TOMM20L: variants seen among roughly 807,000 people sequenced by gnomAD.
TOMM20L encodes TOMM20-like protein 1.
TOMM20L carries 19 observed loss-of-function variants against 20.4 expected under a neutral mutation model. That is an observed-to-expected ratio of 0.93 (90% CI 0.65 to 1.36). The LOEUF (loss-of-function observed/expected upper bound fraction) is 1.36, where lower values mean the gene tolerates loss of function less well. TOMM20L is among the 40% of genes most tolerant of loss of function. The probability of loss-of-function intolerance (pLI) is 0.00; values close to 1 mark genes in which losing one functional copy is unlikely to be tolerated. For synonymous variants in TOMM20L, 75 were observed against 79.6 expected (o/e 0.94, Z 0.30); for missense variants, 218 against 203.7 (o/e 1.07, Z -0.43).
rs3783693 is a variant in TOMM20L, at chr14:58,408,413, G to A, written c.406-116G>A. 5,174 of 875,458 alleles carry A rather than the reference G, an allele frequency of 5.9e-3. 229 individuals carry two copies. The East Asian group carries it at 0.1, about 18-fold the overall frequency. 54.2% of individuals were successfully genotyped at this position (875,458 alleles called of 1,614,324 possible). ...TCCTGGGTGACGAAAGCAAAACTCC[G>A]TCTCAAAAAAAAAAAAAAAGAAAAG... On this transcript the variant is annotated intron_variant, in intron 4 of 4. Coordinates refer to ENST00000360945, the MANE Select transcript of TOMM20L (RefSeq NM_207377.3).
intron 1 of TOMM20L, 25 bp from the exon 2 acceptor site, chr14:58,396,273 A>G (rs1271232473): frequency 1.9e-6 from 3 of 1,612,382 alleles, no homozygotes; most frequent in Non-Finnish European, 2.5e-6. Flanking sequence ...CCTCCCAGCC[A>G]GCATGTGCCG....
chr14:58,398,444 AGTGTCTTACC>A (rs2035952909), intron 2 of TOMM20L: 1 of 152,190 alleles, frequency 6.6e-6, no homozygotes, highest in Admixed American at 6.5e-5. Context: ...GGGTCAGTTT[AGTGTCTTACC>A]GTGGAGGACT....
intron 3 of TOMM20L, among the ~76,000 whole-genome samples, chr14:58,405,815 C>T (rs1257596308): frequency 6.6e-6 from 1 of 152,198 alleles, no homozygotes; most frequent in Non-Finnish European, 1.5e-5. Flanking sequence ...CCTAATAGTT[C>T]TTTACAGAAG....
At chr14:58,411,901 C>G, downstream of TOMM20L, 1 of 1,613,610 alleles carries the variant, frequency 6.2e-7, no homozygotes, top group Admixed American at 1.7e-5. Context: ...AATTAGAATA[C>G]CTTACCTGTT....
intron 2 of TOMM20L, among the ~76,000 whole-genome samples, chr14:58,401,034 C>G (rs2035986848): frequency 1.3e-5 from 2 of 152,206 alleles, no homozygotes; most frequent in South Asian, 4.1e-4. Context: ...TTTGACAATT[C>G]TCCAACTAGA....
downstream of TOMM20L, among the ~76,000 whole-genome samples, chr14:58,411,522 T>C (rs116673840): frequency 0.018 from 2,666 of 151,650 alleles, 85 homozygotes; most frequent in African/African-American, 0.06. Context: ...ATAGAAACAA[T>C]TGTTTTGTGA....
chr14:58,409,830 A>T (rs918939711), downstream of TOMM20L, among the ~76,000 whole-genome samples: 1 of 151,996 alleles, frequency 6.6e-6, no homozygotes, highest in Non-Finnish European at 1.5e-5. Context: ...CGCCTGCCTC[A>T]GCCTCCCAAT....
At chr14:58,399,583 C>T (rs1395979291) in intron 2 of TOMM20L, among the ~76,000 whole-genome samples, 7 of 151,956 alleles carry the variant, frequency 4.6e-5, no homozygotes, top group Non-Finnish European at 8.8e-5. Flanking sequence ...ATTCTTCCCC[C>T]TCTCCCTAGA....
the TOMM20L span, among the ~76,000 whole-genome samples, chr14:58,414,741 AAAAAAAAAAAG>A: frequency 2.0e-5 from 3 of 151,382 alleles, no homozygotes; most frequent in Admixed American, 1.3e-4. Flanking sequence ...CATCTCAAAA[AAAAAAAAAAAG>A]AAAAAAAAGA....
chr14:58,405,850 T>C (rs1178296748), intron 3 of TOMM20L, among the ~76,000 whole-genome samples: 2 of 152,234 alleles, frequency 1.3e-5, no homozygotes, highest in African/African-American at 2.4e-5. Flanking sequence ...ATTTTACTTA[T>C]ATTGCAGTTC....
intron 3 of TOMM20L, among the ~76,000 whole-genome samples, chr14:58,407,078 G>A (rs1054399862): frequency 6.6e-6 from 1 of 152,114 alleles, no homozygotes; most frequent in Admixed American, 6.5e-5. Flanking sequence ...CATTTCCAAT[G>A]CAAGAGTATA....
In TOMM20L at chr14:58,397,359, G is replaced by A. The variant is rs531455436; in HGVS notation, c.180+1018G>A. On this transcript the variant is annotated intron_variant, in intron 2 of 4. Coordinates refer to ENST00000360945, the MANE Select transcript of TOMM20L (RefSeq NM_207377.3). ...CATGTGCCCATGTGGAAGAGCAGAT[G>A]GTACCACTTCTGGCAACATTGAAGC... Among the ~76,000 whole-genome samples the A allele has an allele frequency of 9.5e-4, 144 of 152,280 alleles. 3 individuals are homozygous for A. In the South Asian group the frequency reaches 0.029, roughly 31 times the overall value.
At chr14:58,399,277 T>C (rs2035961443) in intron 2 of TOMM20L, among the ~76,000 whole-genome samples, 1 of 152,196 alleles carries the variant, frequency 6.6e-6, no homozygotes, top group Non-Finnish European at 1.5e-5. Flanking sequence ...TTCCCAGGAC[T>C]TTCCCAAAGT....
downstream of TOMM20L, among the ~76,000 whole-genome samples, chr14:58,410,240 TTTTTTTGTA>T (rs1433531824): frequency 1.3e-5 from 2 of 151,984 alleles, no homozygotes; most frequent in African/African-American, 4.8e-5. Context: ...CTAGCTAATT[TTTTTTTGTA>T]TTTTTTGTAA....
downstream of TOMM20L, chr14:58,412,079 T>A (rs548048621): frequency 1.3e-6 from 1 of 756,524 alleles, no homozygotes; most frequent in East Asian, 2.7e-5. Flanking sequence ...GTGTATGTAA[T>A]TGTATGCCAC....
chr14:58,416,394 T>G, the TOMM20L span, among the ~76,000 whole-genome samples: 41 of 152,160 alleles, frequency 2.7e-4, no homozygotes, highest in Non-Finnish European at 5.7e-4. Flanking sequence ...ACAAAATGTT[T>G]CAAGTGCTAA....
At position 58,404,099 on chromosome 14, in the gene TOMM20L, G is replaced by GTGTA. The variant is rs1408980666; in HGVS notation, c.262+1339_262+1340insGTAT. On this transcript the variant is annotated intron_variant, in intron 3 of 4. Transcript: ENST00000360945. ...GTACAATGTATATATACATATATAT[G>GTGTA]TATATATATATATATATATATTTTT... Among the ~76,000 whole-genome samples the GTGTA allele has an allele frequency of 8.7e-5, 2 of 22,928 alleles. 1 individual carries two copies. Among genetic ancestry groups the GTGTA allele is most frequent in the Non-Finnish European group, 1.7e-4 (2 of 11,998 alleles). The allele number at this position is 22,928 out of a possible 152,430, so 15.0% of individuals were successfully genotyped here. A position where few individuals can be genotyped will look rare whatever the true frequency, so the allele number is the denominator to read the frequency against.
At chr14:58,400,591 C>G (rs1376357790) in intron 2 of TOMM20L, among the ~76,000 whole-genome samples, 1 of 151,786 alleles carries the variant, frequency 6.6e-6, no homozygotes, top group Non-Finnish European at 1.5e-5. Context: ...CTACATTTAC[C>G]CTATTATGGC....
intron 2 of TOMM20L, among the ~76,000 whole-genome samples, chr14:58,402,014 A>C (rs1476790706): frequency 6.6e-6 from 1 of 152,246 alleles, no homozygotes; most frequent in Non-Finnish European, 1.5e-5. Context: ...CCAAATCAAC[A>C]GGCACTGTTA....
Sources: gnomAD v4.1 joint callset for allele counts (sites outside exome capture counted in the v4.1 genomes callset) on GRCh38, gnomAD v4.1.1 for gene constraint, MANE v1.5 for transcripts, NCBI Gene and HGNC (gene_info 2026-07-23, HGNC 2026-07-21) for gene names.